EYS: variants seen among roughly 807,000 people sequenced by gnomAD.
The protein encoded by EYS is protein eyes shut homolog.
EYS carries 250 observed loss-of-function variants against 282.1 expected under a neutral mutation model. That is an observed-to-expected ratio of 0.89 (90% confidence interval 0.80 to 0.98). EYS has a LOEUF of 0.98. Among genes scored for constraint, EYS ranks in the 50% least tolerant of loss-of-function variants. The pLI is 0.00. For synonymous variants in EYS, 1,355 were observed against 1,282.9 expected, an observed-to-expected ratio of 1.06 and a Z score of -1.20; for missense variants, 4,016 against 3,709.0, an observed-to-expected ratio of 1.08 and a Z score of -2.15.
intron 28 of EYS, among the ~76,000 whole-genome samples, chr6:64,424,649 G>A (rs749731747): frequency 4.6e-5 from 7 of 152,090 alleles, no homozygotes; most frequent in South Asian, 2.1e-4. Flanking sequence ...CCTGCCCACC[G>A]TTGAATCTCA....
intron 1 of EYS, among the ~76,000 whole-genome samples, chr6:65,685,674 C>T (rs1404349359): frequency 2.6e-5 from 4 of 151,888 alleles, no homozygotes; most frequent in Non-Finnish European, 5.9e-5. Flanking sequence ...TTGTTTTAAC[C>T]TCTTTTTATT....
chr6:64,880,172 G>T (rs1766869875), intron 19 of EYS, among the ~76,000 whole-genome samples: 1 of 151,982 alleles, frequency 6.6e-6, no homozygotes, highest in Non-Finnish European at 1.5e-5. Flanking sequence ...GCATTTTGAG[G>T]AATCTGTGAA....
At chr6:65,566,227 C>T (rs1356264710) in intron 2 of EYS, among the ~76,000 whole-genome samples, 5 of 152,004 alleles carry the variant, frequency 3.3e-5, no homozygotes, top group African/African-American at 1.2e-4. Context: ...TGACCTTCCA[C>T]CAGATGCACT....
intron 2 of EYS, among the ~76,000 whole-genome samples, chr6:65,596,279 TAA>T (rs1765400487): frequency 6.6e-6 from 1 of 152,084 alleles, no homozygotes; most frequent in Non-Finnish European, 1.5e-5. Context: ...AATTGTGAGA[TAA>T]GTTTTTTCTT....
chr6:64,833,939 G>T (rs895598400), intron 19 of EYS, among the ~76,000 whole-genome samples: 6 of 151,908 alleles, frequency 3.9e-5, no homozygotes, highest in Admixed American at 2.0e-4. Context: ...AGTAACTGGA[G>T]ATCAATGAAA....
At chr6:64,286,469 C>T (rs1385115423) in intron 30 of EYS, among the ~76,000 whole-genome samples, 1 of 152,012 alleles carries the variant, frequency 6.6e-6, no homozygotes, top group Non-Finnish European at 1.5e-5. Context: ...GAAAGGTAAA[C>T]CAATAGAGAT....
chr6:64,303,776 G>T (rs985503148), intron 30 of EYS, among the ~76,000 whole-genome samples: 4 of 148,662 alleles, frequency 2.7e-5, no homozygotes, highest in African/African-American at 1.0e-4. Flanking sequence ...GGGAGGCGGA[G>T]CTTGCAGTGA....
At position 64,739,966 on chromosome 6, in the gene EYS, T is replaced by TA. The variant is rs568022688; in HGVS notation, c.3443+73411dup. ...ACACATTAGGCTAAGGTGTTAATAATAAAAAAATATAAGAAACTCTTAGAA... is the reference window on the plus strand; with the variant it reads ...ACACATTAGGCTAAGGTGTTAATAATAAAAAAAATATAAGAAACTCTTAGAA... On this transcript the variant is annotated intron_variant, in intron 22 of 42. Coordinates refer to ENST00000503581, the MANE Select transcript of EYS (RefSeq NM_001142800.2). Among the ~76,000 whole-genome samples the TA allele has an allele frequency of 5.3e-4, 80 of 152,146 alleles. No homozygotes were observed. The South Asian group carries it at 0.016, about 31-fold the overall frequency.
At chr6:64,755,189 A>G (rs1772892392) in intron 22 of EYS, among the ~76,000 whole-genome samples, 2 of 152,164 alleles carry the variant, frequency 1.3e-5, no homozygotes, top group Admixed American at 1.3e-4. Context: ...TTCCATTCAT[A>G]ATACCTATAA....
intron 12 of EYS, among the ~76,000 whole-genome samples, chr6:65,088,366 A>G (rs555387749): frequency 6.6e-6 from 1 of 152,294 alleles, no homozygotes; most frequent in Admixed American, 6.5e-5. Context: ...GGTTTTGACC[A>G]AAATGCTGAT....
At chr6:65,231,453 T>C (rs1222596916) in intron 12 of EYS, among the ~76,000 whole-genome samples, 1 of 151,602 alleles carries the variant, frequency 6.6e-6, no homozygotes, top group African/African-American at 2.4e-5. Flanking sequence ...AAGAGAGGAT[T>C]GGGGAGAGAC....
intron 26 of EYS, among the ~76,000 whole-genome samples, chr6:64,553,815 C>A (rs1334477719): frequency 6.6e-6 from 1 of 152,016 alleles, no homozygotes; most frequent in Non-Finnish European, 1.5e-5. Flanking sequence ...TATTCTCCAA[C>A]TATGAAGAAA....
chr6:64,183,902 T>G (rs1451637966), intron 31 of EYS, among the ~76,000 whole-genome samples: 1 of 152,260 alleles, frequency 6.6e-6, no homozygotes, highest in Non-Finnish European at 1.5e-5. Flanking sequence ...AAAACACTTC[T>G]TTTCTTTTTT....
intron 2 of EYS, among the ~76,000 whole-genome samples, chr6:65,582,195 C>CAACA (rs1554213346): frequency 1.1e-5 from 1 of 87,582 alleles, no homozygotes; most frequent in Non-Finnish European, 2.2e-5. Flanking sequence ...GACTCCATCT[C>CAACA]AACAAATAAA....
In EYS at chr6:64,886,804, A is replaced by C. The variant is rs1767103331; in HGVS notation, c.2885T>G (p.Phe962Cys). 3 of 1,546,334 alleles carry C rather than the reference A, an allele frequency of 1.9e-6. No homozygotes were observed. Among genetic ancestry groups the C allele is most frequent in the Non-Finnish European group, 2.6e-6 (3 of 1,143,934 alleles). ...CNCEPEYHGP[F>C]CELDVNKCKI... ...ACATTTATTTACATCAAGTTCACAG[A>C]AGGGCCCATGGTACTCAGGTTCACA... is the stretch of plus-strand genomic sequence containing the variant. Residue 962 changes from phenylalanine (F) to cysteine (C), a missense_variant, in exon 19 of 43, where the codon TTC (phenylalanine) becomes TGC (cysteine). Transcript: ENST00000503581.
intron 7 of EYS, among the ~76,000 whole-genome samples, chr6:65,392,887 G>T (rs1425194411): frequency 6.6e-6 from 1 of 152,188 alleles, no homozygotes; most frequent in South Asian, 2.1e-4. Flanking sequence ...GTTTATTGCG[G>T]CATTATTCAC....
chr6:65,148,587 T>C (rs554279017), intron 12 of EYS, among the ~76,000 whole-genome samples: 31 of 152,138 alleles, frequency 2.0e-4, no homozygotes, highest in Non-Finnish European at 4.0e-4. Context: ...GTGTAAGCCT[T>C]TAGTGTATCT....
intron 8 of EYS, among the ~76,000 whole-genome samples, chr6:65,382,075 G>T (rs1232183835): frequency 6.6e-6 from 1 of 151,618 alleles, no homozygotes; most frequent in African/African-American, 2.4e-5. Flanking sequence ...GTAATCACTG[G>T]TTATTGTTGT....
rs992201380 is a variant in EYS, at chr6:63,788,138, G to A, written c.7690C>T (p.Pro2564Ser). The A allele has an allele frequency of 6.5e-7, 1 of 1,543,778 alleles. No homozygotes were observed. Among genetic ancestry groups the A allele is most frequent in the Non-Finnish European group, 8.7e-7 (1 of 1,144,736 alleles). ...GYSEYTPDLL[P>S]NGADFKNGFQ... Reference sequence around the variant, plus strand: ...CCATTTTTAAAATCTGCTCCATTTGGTAAGAGATCTGGAGTGTATTCACTG... The same window carrying A: ...CCATTTTTAAAATCTGCTCCATTTGATAAGAGATCTGGAGTGTATTCACTG... Residue 2564 changes from proline (P) to serine (S), a missense_variant, in exon 39 of 43, where the codon CCA (proline) becomes TCA (serine). Pro to Ser is a moderately conservative substitution (Grantham distance 74). Coordinates refer to ENST00000503581, the MANE Select transcript of EYS (RefSeq NM_001142800.2).
Sources: allele counts gnomAD v4.1 joint callset (sites outside exome capture counted in the v4.1 genomes callset), GRCh38; gene constraint gnomAD v4.1.1; transcripts MANE v1.5; gene names NCBI Gene and HGNC (gene_info 2026-07-23, HGNC 2026-07-21).